Variants in LRRC4C observed in about 807,000 individuals in gnomAD.
LRRC4C encodes the protein leucine rich repeat containing 4C, also known as leucine-rich repeat-containing protein 4C.
LRRC4C carries 5 observed loss-of-function variants against 33.6 expected under a neutral mutation model. The observed-to-expected ratio is 0.15, with a 90% CI of 0.08 to 0.31. LRRC4C has a LOEUF of 0.31. Ranked by LOEUF, LRRC4C falls within the 10% of genes least tolerant of loss-of-function variation. The pLI, the probability that LRRC4C is intolerant of heterozygous loss-of-function variation, is 1.00. For synonymous variants in LRRC4C, 329 were observed against 302.0 expected (o/e 1.09, Z -0.93); for missense variants, 560 against 796.7 (o/e 0.70, Z 3.58).
chr11:40,510,074 C>T (rs1955234663), intron 3 of LRRC4C, among the ~76,000 whole-genome samples: 1 of 152,032 alleles, frequency 6.6e-6, no homozygotes, highest in African/African-American at 2.4e-5. Context: ...ACTGGAATCA[C>T]CTCAGGGGTT....
intron 1 of LRRC4C, among the ~76,000 whole-genome samples, chr11:40,995,040 TTTG>T (rs1853869796): frequency 6.6e-6 from 1 of 152,256 alleles, no homozygotes; most frequent in East Asian, 1.9e-4. Flanking sequence ...TTTGGAAGTC[TTTG>T]TTGTTGTCAT....
intron 1 of LRRC4C, among the ~76,000 whole-genome samples, chr11:41,240,826 C>T (rs1375741652): frequency 2.0e-5 from 3 of 152,134 alleles, no homozygotes; most frequent in Non-Finnish European, 4.4e-5. Context: ...CACACGCACA[C>T]ACACACAAAT....
chr11:40,829,511 G>T (rs1022603177), intron 2 of LRRC4C, among the ~76,000 whole-genome samples: 7 of 151,962 alleles, frequency 4.6e-5, no homozygotes, highest in African/African-American at 1.7e-4. Flanking sequence ...GCTAAAGGCT[G>T]CTCAAATTAT....
intron 2 of LRRC4C, among the ~76,000 whole-genome samples, chr11:40,686,503 A>G (rs139691777): frequency 2.0e-3 from 302 of 151,980 alleles, no homozygotes; most frequent in African/African-American, 7.0e-3. Flanking sequence ...GGGGCGGCCC[A>G]GACGTTGAGT....
intron 2 of LRRC4C, among the ~76,000 whole-genome samples, chr11:40,653,386 G>A (rs1338782326): frequency 1.3e-5 from 2 of 152,280 alleles, no homozygotes; most frequent in African/African-American, 4.8e-5. Flanking sequence ...ATGGAGATGA[G>A]GAACTTGTTG....
chr11:40,618,924 G>A (rs1302436598), intron 3 of LRRC4C, among the ~76,000 whole-genome samples: 1 of 151,736 alleles, frequency 6.6e-6, no homozygotes, highest in Non-Finnish European at 1.5e-5. Flanking sequence ...ACCATAATTA[G>A]GGTCATTAAA....
At chr11:40,276,939 G>T (rs575478000) in intron 4 of LRRC4C, among the ~76,000 whole-genome samples, 1 of 152,182 alleles carries the variant, frequency 6.6e-6, no homozygotes, top group Admixed American at 6.6e-5. Context: ...TCATGGGAAA[G>T]GTGGCAATGA....
chr11:41,449,376 G>A (rs1238008931), intron 1 of LRRC4C, among the ~76,000 whole-genome samples: 1 of 152,060 alleles, frequency 6.6e-6, no homozygotes, highest in Non-Finnish European at 1.5e-5. Context: ...CTGAATAAAT[G>A]TCAAAGATAG....
chr11:41,196,884 C>G (rs1438150564), intron 1 of LRRC4C, among the ~76,000 whole-genome samples: 3 of 152,034 alleles, frequency 2.0e-5, no homozygotes, highest in Non-Finnish European at 2.9e-5. Context: ...CAACTTTCTG[C>G]AGGTAGAAAA....
At chr11:41,206,858 T>C (rs1261223666) in intron 1 of LRRC4C, among the ~76,000 whole-genome samples, 1 of 152,136 alleles carries the variant, frequency 6.6e-6, no homozygotes. Flanking sequence ...ATCCTAAGAA[T>C]GTTAACGTAA....
At chr11:40,686,889 A>C (rs1215755514) in intron 2 of LRRC4C, among the ~76,000 whole-genome samples, 2 of 152,050 alleles carry the variant, frequency 1.3e-5, no homozygotes, top group Non-Finnish European at 2.9e-5. Context: ...GTAGGCTAAA[A>C]TCTTGCCACT....
At chr11:41,084,952 C>T (rs1046640460) in intron 1 of LRRC4C, among the ~76,000 whole-genome samples, 1 of 152,096 alleles carries the variant, frequency 6.6e-6, no homozygotes, top group African/African-American at 2.4e-5. Context: ...GTTAGGATTC[C>T]ATGTGAAAGT....
chr11:41,344,448 C>T (rs1217572010), intron 1 of LRRC4C, among the ~76,000 whole-genome samples: 1 of 152,098 alleles, frequency 6.6e-6, no homozygotes, highest in African/African-American at 2.4e-5. Flanking sequence ...TCTCGATCTC[C>T]TGACCTCGTG....
At chr11:40,412,550 C>T (rs985795067) in intron 3 of LRRC4C, among the ~76,000 whole-genome samples, 3 of 152,034 alleles carry the variant, frequency 2.0e-5, no homozygotes, top group African/African-American at 7.2e-5. Context: ...TCATTTTTCA[C>T]CTCCACCATC....
chr11:40,848,003 C>T (rs1006531188), intron 2 of LRRC4C, among the ~76,000 whole-genome samples: 13 of 151,368 alleles, frequency 8.6e-5, no homozygotes, highest in Non-Finnish European at 1.3e-4. Context: ...TGGTGATATC[C>T]CTTTTATCAG....
chr11:40,587,061 T>A (rs887858263), intron 3 of LRRC4C, among the ~76,000 whole-genome samples: 1 of 151,872 alleles, frequency 6.6e-6, no homozygotes, highest in Admixed American at 6.6e-5. Context: ...TAAATTACCT[T>A]GGGCAGTATG....
At chr11:41,305,739 C>G (rs1425649258) in intron 1 of LRRC4C, among the ~76,000 whole-genome samples, 1 of 114,522 alleles carries the variant, frequency 8.7e-6, no homozygotes, top group Non-Finnish European at 1.9e-5. Flanking sequence ...AATCCCTAAT[C>G]TCAAGTAACC....
chr11:40,416,244 G>A (rs2137688935), intron 3 of LRRC4C, among the ~76,000 whole-genome samples: 1 of 152,252 alleles, frequency 6.6e-6, no homozygotes, highest in Admixed American at 6.5e-5. Context: ...GGCCCTAGCT[G>A]TAAGAATGTA....
At chr11:40,673,786 G>A (rs1944249131) in intron 2 of LRRC4C, among the ~76,000 whole-genome samples, 1 of 152,142 alleles carries the variant, frequency 6.6e-6, no homozygotes, top group Admixed American at 6.5e-5. Flanking sequence ...GATTCCACAG[G>A]AAACTTTTTA....
Sources: allele counts gnomAD v4.1 joint callset (sites outside exome capture counted in the v4.1 genomes callset), GRCh38; gene constraint gnomAD v4.1.1; transcripts MANE v1.5; gene names NCBI Gene and HGNC (gene_info 2026-07-23, HGNC 2026-07-21).